Variants in C1QTNF7 observed in about 807,000 individuals in gnomAD.
The protein encoded by C1QTNF7 is C1q and TNF related 7.
C1QTNF7 carries 15 observed loss-of-function variants against 19.6 expected under a neutral mutation model. The ratio of observed to expected loss-of-function variants is 0.76; its 90% CI spans 0.51 to 1.18. The LOEUF is 1.18. Among genes scored for constraint, C1QTNF7 ranks in the 50% most tolerant of loss-of-function variants. The pLI is 0.00. For synonymous variants in C1QTNF7, 142 were observed against 137.5 expected, an observed-to-expected ratio of 1.03 and a Z score of -0.23; for missense variants, 324 against 359.7, an observed-to-expected ratio of 0.90 and a Z score of 0.80.
intron 1 of C1QTNF7, chr4:15,374,871 CTT>C: frequency 1.8e-5 from 8 of 441,516 alleles, no homozygotes; most frequent in Non-Finnish European, 2.4e-5. Context: ...CTCTCTCTCT[CTT>C]TTTTTTTATG....
chr4:15,358,614 A>G (rs113999742), intron 1 of C1QTNF7: 6,392 of 152,274 alleles, frequency 0.042, 219 homozygotes, highest in Middle Eastern at 0.075. Flanking sequence ...TTAAGGATCA[A>G]TTAAAGTTTG....
chr4:15,411,128 T>C (rs1398069074), intron 1 of C1QTNF7, among the ~76,000 whole-genome samples: 1 of 152,218 alleles, frequency 6.6e-6, no homozygotes, highest in Non-Finnish European at 1.5e-5. Context: ...TAAGAACTTA[T>C]TATATTAATA....
At chr4:15,372,184 G>C (rs543224147) in intron 1 of C1QTNF7, among the ~76,000 whole-genome samples, 2 of 152,140 alleles carry the variant, frequency 1.3e-5, no homozygotes, top group Non-Finnish European at 2.9e-5. Context: ...GGACTGAATT[G>C]TGTCACCCCA....
At position 15,377,705 on chromosome 4, in the gene C1QTNF7, T is replaced by C. The variant is rs922054562; in HGVS notation, c.13+37498T>C. 5.3e-5 allele frequency among the ~76,000 whole-genome samples: 8 copies of C among 152,138 alleles called. No individual in the cohort carries two copies. The South Asian group carries it at 8.3e-4, about 16-fold the overall frequency. ...GGAAAGGGTGGTGGAGCAGGAAGCA[T>C]TGAACACTGAAAATCATTTCTTGTG... On this transcript the variant is annotated intron_variant, in intron 1 of 2. Coordinates refer to the C1QTNF7 transcript ENST00000295297.
intron 1 of C1QTNF7, among the ~76,000 whole-genome samples, chr4:15,352,247 A>T (rs760884097): frequency 1.1e-4 from 17 of 152,188 alleles, no homozygotes; most frequent in Non-Finnish European, 1.8e-4. Context: ...CTTCATCCTC[A>T]CAAAAATTCT....
chr4:15,371,286 T>G (rs1717712662), intron 1 of C1QTNF7, among the ~76,000 whole-genome samples: 1 of 152,226 alleles, frequency 6.6e-6, no homozygotes, highest in African/African-American at 2.4e-5. Context: ...AAGAATGCAT[T>G]TGGTGGTACA....
At chr4:15,434,922 C>T (rs946148820) in intron 1 of C1QTNF7, among the ~76,000 whole-genome samples, 3 of 152,170 alleles carry the variant, frequency 2.0e-5, no homozygotes, top group Non-Finnish European at 1.5e-5. Flanking sequence ...GACCTCCCCT[C>T]AGGACATGCA....
At chr4:15,428,475 AT>A (rs956925449) in intron 1 of C1QTNF7, among the ~76,000 whole-genome samples, 12 of 150,912 alleles carry the variant, frequency 8.0e-5, no homozygotes, top group East Asian at 3.9e-4. Flanking sequence ...ATATTGATGA[AT>A]TTTTTTTTCT....
intron 1 of C1QTNF7, among the ~76,000 whole-genome samples, chr4:15,354,355 C>T (rs1717053139): frequency 6.6e-6 from 1 of 152,044 alleles, no homozygotes; most frequent in Non-Finnish European, 1.5e-5. Flanking sequence ...AAATGGGATG[C>T]CATCAAAGGT....
chr4:15,416,850 A>G (rs1248501891), intron 1 of C1QTNF7, among the ~76,000 whole-genome samples: 1 of 152,316 alleles, frequency 6.6e-6, no homozygotes, highest in Non-Finnish European at 1.5e-5. Flanking sequence ...CTCTTATGTT[A>G]AAAGTCAGAG....
At chr4:15,413,988 A>G (rs1446069079) in intron 1 of C1QTNF7, among the ~76,000 whole-genome samples, 1 of 152,182 alleles carries the variant, frequency 6.6e-6, no homozygotes, top group African/African-American at 2.4e-5. Context: ...AATTGTTTTT[A>G]AATTTTGACT....
At chr4:15,345,222 A>C (rs566979474) in intron 1 of C1QTNF7, among the ~76,000 whole-genome samples, 1 of 152,176 alleles carries the variant, frequency 6.6e-6, no homozygotes, top group African/African-American at 2.4e-5. Context: ...TCAGGCAAAA[A>C]TCCTGGGAGG....
rs73230961 is a variant in C1QTNF7 at position 15,354,107 on chromosome 4, A to G, written c.13+13900A>G. Among the ~76,000 whole-genome samples, 1,510 of 152,194 alleles carry G rather than the reference A, an allele frequency of 9.9e-3. 15 individuals are homozygous for G. The highest frequency in any genetic ancestry group is 0.015 in the Non-Finnish European group (1,014 of 67,998). On this transcript the variant is annotated intron_variant, in intron 1 of 2. Coordinates refer to the C1QTNF7 transcript ENST00000295297. ...TGTCCTCACCCAAACCCGTTCTCCA[A>G]CTAGGGTACATGAGGCTCAGAGGTC...
At chr4:15,400,119 A>G (rs559454895) in intron 1 of C1QTNF7, among the ~76,000 whole-genome samples, 1 of 152,350 alleles carries the variant, frequency 6.6e-6, no homozygotes, top group African/African-American at 2.4e-5. Flanking sequence ...CAACTAAGAT[A>G]TCGTCCATTG....
chr4:15,419,602 A>G (rs534292619), intron 1 of C1QTNF7, among the ~76,000 whole-genome samples: 2 of 152,222 alleles, frequency 1.3e-5, no homozygotes, highest in African/African-American at 4.8e-5. Flanking sequence ...GAGAAATAGA[A>G]CTAAATAAAT....
At chr4:15,416,903 C>A (rs1719626388) in intron 1 of C1QTNF7, among the ~76,000 whole-genome samples, 2 of 152,180 alleles carry the variant, frequency 1.3e-5, no homozygotes, top group Admixed American at 1.3e-4. Flanking sequence ...AGCCAACAGC[C>A]AACACTACCT....
intron 1 of C1QTNF7, among the ~76,000 whole-genome samples, chr4:15,357,088 C>A (rs954211864): frequency 2.0e-5 from 3 of 152,000 alleles, no homozygotes; most frequent in African/African-American, 7.2e-5. Flanking sequence ...TGTGCAGAAG[C>A]TCTTTAGTTT....
At chr4:15,434,720 T>C (rs1272552392) in intron 1 of C1QTNF7, among the ~76,000 whole-genome samples, 2 of 152,188 alleles carry the variant, frequency 1.3e-5, no homozygotes, top group African/African-American at 4.8e-5. Flanking sequence ...AAATGACTCA[T>C]CATTCTGAGC....
chr4:15,442,652 A>G lies in C1QTNF7; in HGVS notation c.723A>G (p.Pro241=), dbSNP rs1347169131. The G allele has an allele frequency of 6.8e-6, 11 of 1,614,248 alleles. No individual in the cohort carries two copies. The highest frequency in any genetic ancestry group is 9.3e-6 in the Non-Finnish European group (11 of 1,180,040). The part of the protein sequence containing the change: ...ASGSTVIYLQ[P]EDEVWLEIFF... The stretch of plus-strand genomic sequence containing the variant: ...GGTCCACAGTCATCTATCTGCAGCC[A>G]GAAGATGAAGTCTGGCTGGAGATTT... Residue 241 remains proline (P), a synonymous_variant, in exon 3 of 3, where the codon CCA becomes CCG. Transcript: ENST00000444304.
Sources: gnomAD v4.1 joint callset for allele counts (sites outside exome capture counted in the v4.1 genomes callset) on GRCh38, gnomAD v4.1.1 for gene constraint, MANE v1.5 for transcripts, NCBI Gene and HGNC (gene_info 2026-07-23, HGNC 2026-07-21) for gene names.